PLCE1: variants seen among roughly 807,000 people sequenced by gnomAD.
PLCE1 encodes the protein 1-phosphatidylinositol 4,5-bisphosphate phosphodiesterase epsilon-1.
In PLCE1, 119 loss-of-function variants were observed where a neutral mutation model predicts 242.8. That is an observed-to-expected ratio of 0.49 (90% CI 0.42 to 0.57). The LOEUF is 0.57. PLCE1 is among the 20% of genes least tolerant of loss of function. PLCE1 has a pLI of 0.00. For missense variants in PLCE1, 2,441 were observed against 2,788.8 expected, an observed-to-expected ratio of 0.88 and a Z score of 2.81; for synonymous variants, 945 against 1,017.4, an observed-to-expected ratio of 0.93 and a Z score of 1.35.
At chr10:94,081,987 G>A (rs1211736542) in intron 2 of PLCE1, 2 of 152,206 alleles carry the variant, frequency 1.3e-5, no homozygotes, top group Non-Finnish European at 2.9e-5. Flanking sequence ...ATTTAGACCT[G>A]CCAAGAGTAG....
intron 14 of PLCE1, among the ~76,000 whole-genome samples, chr10:94,264,809 C>T (rs963255817): frequency 1.2e-4 from 19 of 152,076 alleles, no homozygotes; most frequent in African/African-American, 3.4e-4. Context: ...CGTGAGCCAC[C>T]GCGCCTGGCT....
At chr10:94,158,938 C>T (rs1344553146) in intron 3 of PLCE1, among the ~76,000 whole-genome samples, 1 of 145,528 alleles carries the variant, frequency 6.9e-6, no homozygotes, top group Non-Finnish European at 1.5e-5. Context: ...CTCACCTCAA[C>T]CTCCGCCTCC....
chr10:94,321,780 G>A, intron 29 of PLCE1, 121 bp from the exon 30 acceptor site: 5 of 705,658 alleles, frequency 7.1e-6, no homozygotes, highest in South Asian at 3.3e-5. Context: ...CATAGTATAT[G>A]AGATATTAAG....
At chr10:94,313,954 C>T (rs1356718402) in intron 28 of PLCE1, among the ~76,000 whole-genome samples, 1 of 152,140 alleles carries the variant, frequency 6.6e-6, no homozygotes, top group Non-Finnish European at 1.5e-5. Context: ...CATTTGAGGT[C>T]CTCTCCTTTT....
chr10:94,277,148 T>C (rs1261422979), intron 19 of PLCE1, among the ~76,000 whole-genome samples: 1 of 152,166 alleles, frequency 6.6e-6, no homozygotes, highest in Non-Finnish European at 1.5e-5. Flanking sequence ...GCCTCTGGCT[T>C]GTACTGAGAT....
At chr10:94,047,349 G>C (rs1031489361) in intron 2 of PLCE1, among the ~76,000 whole-genome samples, 11 of 152,190 alleles carry the variant, frequency 7.2e-5, no homozygotes, top group African/African-American at 2.7e-4. Flanking sequence ...CCCTACCAGT[G>C]AGAAGGCAAA....
rs778222582 is a variant in PLCE1 at position 94,227,354 on chromosome 10, G to A, written c.1858G>A (p.Glu620Lys). The change falls in exon 5 of 33, where the codon GAG becomes AAG. Residue 620 changes from glutamate (E) to lysine (K), a missense_variant. Coordinates refer to ENST00000371380, the MANE Select transcript of PLCE1 (RefSeq NM_016341.4). ...WLILTAGSME[E>K]KREVFSYLVH... ...GATCCTCACGGCAGGCTCCATGGAG[G>A]AGAAGCGAGAAGTCTTTTCATATTT... The A allele has an allele frequency of 1.9e-6, 3 of 1,614,058 alleles. No individual in the cohort carries two copies. Among genetic ancestry groups the A allele is most frequent in the Non-Finnish European group, 1.7e-6 (2 of 1,179,906 alleles).
chr10:94,016,727 TTTTG>T (rs2061289696), intron 1 of PLCE1, among the ~76,000 whole-genome samples: 4 of 152,364 alleles, frequency 2.6e-5, no homozygotes, highest in African/African-American at 9.6e-5. Flanking sequence ...GTATCATTTC[TTTTG>T]TTTATCAGCC....
rs540733715 is a variant in PLCE1, at chr10:94,018,423, C to A, written c.-364-12260C>A. Among the ~76,000 whole-genome samples the A allele has an allele frequency of 2.0e-5, 3 of 152,290 alleles. No homozygotes were observed. In the East Asian group the frequency reaches 5.8e-4, roughly 29 times the overall value. On this transcript the variant is annotated intron_variant, in intron 1 of 32. Transcript: ENST00000371380. ...TGCCCTTGCTAAACAGAAGGCAAGG[C>A]CAACCCATGACCTTCCATCCCAGCT... is the stretch of plus-strand genomic sequence containing the variant.
Position 94,254,973 on chromosome 10 carries a change from T to G in PLCE1, c.3478T>G (p.Leu1160Val). The change falls in exon 11 of 33, where the codon TTG becomes GTG. Residue 1160 changes from leucine (L) to valine (V), a missense_variant. Physicochemically the swap from Leu to Val is conservative, Grantham distance 32. This residue lies in a region of PLCE1 where 1,004 missense variants were observed against 1,322.7 expected (regional missense o/e 0.76). Transcript: ENST00000371380. ...HSLTTAGSPN[L>V]AAGTSSPIRP... ...TTTGACCACAGCTGGGTCCCCCAACTTGGCTGCCGGGACGTCATCTCCCAT... is the reference window on the plus strand; with the variant it reads ...TTTGACCACAGCTGGGTCCCCCAACGTGGCTGCCGGGACGTCATCTCCCAT... The G allele has an allele frequency of 6.2e-7, 1 of 1,614,138 alleles. No individual in the cohort carries two copies. The highest frequency in any genetic ancestry group is 8.5e-7 in the Non-Finnish European group (1 of 1,179,990).
intron 2 of PLCE1, among the ~76,000 whole-genome samples, chr10:94,126,812 AAT>A (rs2046449432): frequency 6.6e-6 from 1 of 152,198 alleles, no homozygotes; most frequent in Non-Finnish European, 1.5e-5. Context: ...AGGAATTGAG[AAT>A]GGCCATGAAA....
At chr10:94,082,793 A>G (rs537683388) in intron 2 of PLCE1, among the ~76,000 whole-genome samples, 74 of 152,362 alleles carry the variant, frequency 4.9e-4, no homozygotes, top group Admixed American at 2.1e-3. Flanking sequence ...CACTTATAAT[A>G]TCATCCAAGC....
intron 21 of PLCE1, among the ~76,000 whole-genome samples, chr10:94,284,513 A>G (rs891103761): frequency 1.3e-5 from 2 of 152,192 alleles, no homozygotes; most frequent in Non-Finnish European, 2.9e-5. Context: ...TTGCAGTGAC[A>G]TTGTTGGACA....
intron 2 of PLCE1, among the ~76,000 whole-genome samples, chr10:94,050,824 G>A (rs2043744683): frequency 6.6e-6 from 1 of 152,268 alleles, no homozygotes. Context: ...GGAAGAAACA[G>A]CTTCCAAGAG....
At chr10:94,067,171 G>C (rs2044220641) in intron 2 of PLCE1, among the ~76,000 whole-genome samples, 1 of 152,074 alleles carries the variant, frequency 6.6e-6, no homozygotes, top group East Asian at 1.9e-4. Context: ...CCTTCTTCTT[G>C]ATCTCTGCTG....
In PLCE1 at chr10:94,274,171, A is replaced by G. The variant is rs532575725; in HGVS notation, c.4665+451A>G. On this transcript the variant is annotated intron_variant, in intron 19 of 32. Coordinates refer to ENST00000371380, the MANE Select transcript of PLCE1 (RefSeq NM_016341.4). ...GCTTGGGCCCAGATCCGGACAACAGAGATCTGGGCCCAAGCACGACAAACC... is the reference window on the plus strand; with the variant it reads ...GCTTGGGCCCAGATCCGGACAACAGGGATCTGGGCCCAAGCACGACAAACC... Among the ~76,000 whole-genome samples, 263 of 151,966 alleles carry G rather than the reference A, an allele frequency of 1.7e-3. 2 individuals carry two copies. Among genetic ancestry groups the G allele is most frequent in the Non-Finnish European group, 2.7e-3 (182 of 67,974 alleles).
intron 3 of PLCE1, among the ~76,000 whole-genome samples, chr10:94,153,612 C>T (rs542879063): frequency 6.6e-6 from 1 of 152,080 alleles, no homozygotes; most frequent in African/African-American, 2.4e-5. Flanking sequence ...TTTCTATTAT[C>T]AGATGATCTA....
chr10:94,118,414 C>A (rs1279773023), intron 2 of PLCE1, among the ~76,000 whole-genome samples: 1 of 146,068 alleles, frequency 6.8e-6, no homozygotes, highest in Non-Finnish European at 1.5e-5. Context: ...TAGGCTGATA[C>A]AGTTTGGCTC....
intron 9 of PLCE1, among the ~76,000 whole-genome samples, chr10:94,253,215 A>G (rs12098339): frequency 0.012 from 1,799 of 152,320 alleles, 39 homozygotes; most frequent in African/African-American, 0.039. Flanking sequence ...ACAGTTCTGC[A>G]GGTGTACAGG....
Sources: gnomAD v4.1 joint callset for allele counts (sites outside exome capture counted in the v4.1 genomes callset) on GRCh38, gnomAD v4.1.1 for gene constraint, gnomAD v4.1.1 regional missense constraint, MANE v1.5 for transcripts, NCBI Gene and HGNC (gene_info 2026-07-23, HGNC 2026-07-21) for gene names.